The following CCDC92 variants were observed in gnomAD, a reference collection of about 807,000 sequenced individuals.
CCDC92 encodes coiled-coil domain-containing protein 92.
Under a neutral mutation model 24.9 loss-of-function variants are expected in CCDC92, and 12 were observed. The ratio of observed to expected loss-of-function variants is 0.48; its 90% confidence interval spans 0.31 to 0.78. CCDC92 has a LOEUF of 0.78. Ranked by LOEUF, CCDC92 falls within the 30% of genes least tolerant of loss-of-function variation. CCDC92 has a pLI of 0.05. For synonymous variants in CCDC92, 193 were observed against 196.3 expected (o/e 0.98, Z 0.14); for missense variants, 399 against 439.4 (o/e 0.91, Z 0.82).
chr12:123,962,163 A>C (rs1424862940), intron 1 of CCDC92, among the ~76,000 whole-genome samples: 1 of 152,202 alleles, frequency 6.6e-6, no homozygotes, highest in Non-Finnish European at 1.5e-5. Flanking sequence ...TTGTGGAAAA[A>C]AAAAATCAGA....
chr12:123,945,648 T>A (rs927027724), intron 1 of CCDC92: 1 of 152,228 alleles, frequency 6.6e-6, no homozygotes, highest in Non-Finnish European at 1.5e-5. Flanking sequence ...GCCTACGTTT[T>A]CCTTCCACTC....
chr12:123,962,975 G>A (rs1956309114), intron 1 of CCDC92, among the ~76,000 whole-genome samples: 1 of 152,194 alleles, frequency 6.6e-6, no homozygotes, highest in African/African-American at 2.4e-5. Context: ...TGAATCTTGA[G>A]TTTGATCAAG....
chr12:123,964,981 A>G (rs1956357839), intron 1 of CCDC92, among the ~76,000 whole-genome samples: 1 of 152,250 alleles, frequency 6.6e-6, no homozygotes, highest in Non-Finnish European at 1.5e-5. Flanking sequence ...AAACTGATAA[A>G]GAAATTAAAA....
rs1955492007 is a variant in CCDC92, at chr12:123,936,390, G to A, written c.*668C>T. ...TCCTTCAGGTGTTTGTTTAATAAAA[G>A]ACACAAAACAGAAGGAAGGCAGGTT... On this transcript the variant is annotated 3_prime_UTR_variant, in exon 5 of 5. Coordinates refer to ENST00000238156, the MANE Select transcript of CCDC92 (RefSeq NM_025140.3). The A allele has an allele frequency of 6.6e-6, 1 of 152,604 alleles. No homozygotes were observed. The highest frequency in any genetic ancestry group is 1.5e-5 in the Non-Finnish European group (1 of 68,202). 9.5% of individuals were successfully genotyped at this position (152,604 alleles called of 1,614,324 possible).
rs917809337 is a variant in CCDC92 at position 123,936,343 on chromosome 12, C to T, written c.*715G>A. On this transcript the variant is annotated 3_prime_UTR_variant, in exon 5 of 5. Transcript: ENST00000238156. ...CGCTTCTGGGACCTGTGATTGCTCT[C>T]CCTCCTGCAGTCTCCTAGCCCTCCT... 6.6e-6 allele frequency: 1 copy of T among 152,372 alleles called. No individual in the cohort carries two copies. Among genetic ancestry groups the T allele is most frequent in the Admixed American group, 6.5e-5 (1 of 15,294 alleles). 9.4% of individuals were successfully genotyped at this position (152,372 alleles called of 1,614,324 possible). A position where few individuals can be genotyped will look rare whatever the true frequency, so the allele number is the denominator to read the frequency against.
At chr12:123,955,774 T>C (rs1956136217) in intron 1 of CCDC92, among the ~76,000 whole-genome samples, 1 of 152,182 alleles carries the variant, frequency 6.6e-6, no homozygotes, top group Non-Finnish European at 1.5e-5. Context: ...GCCAGACCCC[T>C]TACCTGGCTC....
rs1955725617 is a variant in CCDC92 at position 123,942,757 on chromosome 12, A to G, written c.210T>C (p.Ser70=). Residue 70 remains serine, a synonymous_variant, in exon 4 of 5, where the codon AGT becomes AGC. Transcript: ENST00000238156. ...AGGAGTTCTTACCTGTCTGTTCCGA[A>G]CTTTTGACTGTCAGCTCATATGTTA... is the stretch of plus-strand genomic sequence containing the variant. ...TDLTYELTVK[S]SEQTGDGTSK... 1 of 1,610,190 alleles carries G rather than the reference A, an allele frequency of 6.2e-7. No homozygotes were observed. The highest frequency in any genetic ancestry group is 8.5e-7 in the Non-Finnish European group (1 of 1,176,348).
intron 1 of CCDC92, chr12:123,945,740 G>C (rs1955827736): frequency 6.6e-6 from 1 of 152,258 alleles, no homozygotes. Context: ...AAGGGGTTTG[G>C]AAGTGGGAAC....
At chr12:123,946,168 A>G (rs1566155766) in intron 1 of CCDC92, 1 of 152,334 alleles carries the variant, frequency 6.6e-6, no homozygotes, top group African/African-American at 2.4e-5. Flanking sequence ...GTGGCAGCAG[A>G]GTGATCTTGT....
In CCDC92 at chr12:123,944,328, A is replaced by G. The variant is rs1394751182; in HGVS notation, c.-23T>C. The G allele has an allele frequency of 6.4e-7, 1 of 1,569,492 alleles. No individual in the cohort carries two copies. Among genetic ancestry groups the G allele is most frequent in the Non-Finnish European group, 8.6e-7 (1 of 1,162,296 alleles). ...CATGGGTCTTTCTGGAAAAGCTACC[A>G]GAGTAATTCAAGACGCTTGTACAGC... On this transcript the variant is annotated 5_prime_UTR_variant, in exon 2 of 5. Transcript: ENST00000238156.
chr12:123,953,961 A>G (rs940668571), intron 1 of CCDC92, among the ~76,000 whole-genome samples: 4 of 152,092 alleles, frequency 2.6e-5, no homozygotes, highest in Non-Finnish European at 2.9e-5. Flanking sequence ...CATCTCAAAT[A>G]AACAAACAAA....
At chr12:123,961,658 T>C (rs1956274555) in intron 1 of CCDC92, among the ~76,000 whole-genome samples, 1 of 152,194 alleles carries the variant, frequency 6.6e-6, no homozygotes. Context: ...GCAGGGACGA[T>C]GCAGGGTGAA....
chr12:123,967,718 T>C (rs1956426787), intron 1 of CCDC92, among the ~76,000 whole-genome samples: 1 of 152,260 alleles, frequency 6.6e-6, no homozygotes, highest in Non-Finnish European at 1.5e-5. Context: ...TTTCAGAGTA[T>C]GATGCCACGG....
At chr12:123,969,880 C>G (rs2138237471) in intron 1 of CCDC92, 1 of 152,212 alleles carries the variant, frequency 6.6e-6, no homozygotes, top group South Asian at 2.1e-4. Flanking sequence ...TTTCTGCTTG[C>G]CTTCCTAGAA....
At chr12:123,940,245 C>CCAA (rs1420031750) in intron 4 of CCDC92, among the ~76,000 whole-genome samples, 7 of 152,216 alleles carry the variant, frequency 4.6e-5, no homozygotes, top group African/African-American at 7.2e-5. Flanking sequence ...GTCAAAGAAC[C>CCAA]TGCCCAAGGC....
chr12:123,941,339 C>T (rs965204434), intron 4 of CCDC92, among the ~76,000 whole-genome samples: 1 of 152,198 alleles, frequency 6.6e-6, no homozygotes, highest in Non-Finnish European at 1.5e-5. Context: ...CATTCCACCA[C>T]CCCAAGAAGC....
At chr12:123,967,646 G>C (rs1956425200) in intron 1 of CCDC92, among the ~76,000 whole-genome samples, 1 of 152,176 alleles carries the variant, frequency 6.6e-6, no homozygotes, top group Non-Finnish European at 1.5e-5. Flanking sequence ...TGACAGAGAT[G>C]GAACTTTCTC....
chr12:123,957,434 C>G (rs574830058), intron 1 of CCDC92, among the ~76,000 whole-genome samples: 1 of 152,176 alleles, frequency 6.6e-6, no homozygotes, highest in Non-Finnish European at 1.5e-5. Flanking sequence ...GCTATGTGCA[C>G]GCCCCACGAT....
At chr12:123,962,996 G>GGTTCTCAGCTGGGACAGCTGT in intron 1 of CCDC92, among the ~76,000 whole-genome samples, 1 of 152,310 alleles carries the variant, frequency 6.6e-6, no homozygotes, top group South Asian at 2.1e-4. Context: ...TTGGAGCAGT[G>GGTTCTCAGCTGGGACAGCTGT]GTTCTCAGCT....
Sources: gnomAD v4.1 joint callset for allele counts (sites outside exome capture counted in the v4.1 genomes callset) on GRCh38, gnomAD v4.1.1 for gene constraint, MANE v1.5 for transcripts, NCBI Gene and HGNC (gene_info 2026-07-23, HGNC 2026-07-21) for gene names.